ITGA9: variants seen among roughly 807,000 people sequenced by gnomAD.
The protein encoded by ITGA9 is integrin subunit alpha 9, also known as integrin alpha-9.
ITGA9 carries 56 observed loss-of-function variants against 127.8 expected under a neutral mutation model. That is an observed-to-expected ratio of 0.44 (90% confidence interval 0.35 to 0.55). ITGA9 has a LOEUF of 0.55. ITGA9 is among the 20% of genes least tolerant of loss of function. ITGA9 has a pLI of 0.00. For synonymous variants in ITGA9, 508 were observed against 514.5 expected, an observed-to-expected ratio of 0.99 and a Z score of 0.17; for missense variants, 1,196 against 1,347.1, an observed-to-expected ratio of 0.89 and a Z score of 1.76.
intron 23 of ITGA9, among the ~76,000 whole-genome samples, chr3:37,760,271 TA>T (rs35166311): frequency 1.5e-3 from 210 of 141,590 alleles, no homozygotes; most frequent in Admixed American, 1.8e-3. Context: ...TCAATTTAAT[TA>T]AAAAAAAAAA....
chr3:37,665,810 G>A (rs537306897), intron 17 of ITGA9, among the ~76,000 whole-genome samples: 4 of 152,288 alleles, frequency 2.6e-5, no homozygotes, highest in Non-Finnish European at 4.4e-5. Context: ...TCCCAGCCAC[G>A]CATCAAGGAT....
Position 37,461,168 on chromosome 3 carries a change from T to C in ITGA9, c.185+8609T>C, listed in dbSNP as rs377237143. Among the ~76,000 whole-genome samples, 10 of 152,302 alleles carry C rather than the reference T, an allele frequency of 6.6e-5. 1 individual carries two copies. Among genetic ancestry groups the C allele is most frequent in the African/African-American group, 1.9e-4 (8 of 41,582 alleles). On this transcript the variant is annotated intron_variant, in intron 1 of 27. Transcript: ENST00000264741. ...TTCAGCTGAGTAGTGTTCCTGTCTCTACCTTCATTGAATCCCTGGTTCCAC... is the reference window on the plus strand; with the variant it reads ...TTCAGCTGAGTAGTGTTCCTGTCTCCACCTTCATTGAATCCCTGGTTCCAC...
chr3:37,698,306 A>G (rs1228504690), intron 18 of ITGA9, among the ~76,000 whole-genome samples: 3 of 152,152 alleles, frequency 2.0e-5, no homozygotes, highest in Non-Finnish European at 4.4e-5. Context: ...CTCTGATGGT[A>G]GTTTCCTTTG....
intron 18 of ITGA9, among the ~76,000 whole-genome samples, chr3:37,689,026 ATGAGTGGATGGG>A (rs1700806317): frequency 7.7e-6 from 1 of 129,756 alleles, no homozygotes; most frequent in African/African-American, 2.9e-5. Context: ...GGCTGGGTGG[ATGAGTGGATGGG>A]TGAGTGGATG....
chr3:37,551,475 C>T (rs536015978), intron 15 of ITGA9, among the ~76,000 whole-genome samples: 1 of 152,130 alleles, frequency 6.6e-6, no homozygotes, highest in East Asian at 1.9e-4. Flanking sequence ...TGTGAACAAT[C>T]TGGTTTTCTT....
chr3:37,705,141 C>T (rs1293768456), intron 18 of ITGA9, among the ~76,000 whole-genome samples: 1 of 152,196 alleles, frequency 6.6e-6, no homozygotes, highest in East Asian at 1.9e-4. Context: ...GGCATTCACT[C>T]TTTCATTCAG....
intron 15 of ITGA9, among the ~76,000 whole-genome samples, chr3:37,611,632 A>C (rs892182165): frequency 6.6e-6 from 1 of 152,158 alleles, no homozygotes. Flanking sequence ...TTAGCCCCCA[A>C]GCTGAGAAGA....
chr3:37,636,768 C>G (rs903844325), intron 16 of ITGA9, among the ~76,000 whole-genome samples: 10 of 151,964 alleles, frequency 6.6e-5, no homozygotes, highest in Non-Finnish European at 1.0e-4. Context: ...GGTTTTAGGT[C>G]TAACATTTAA....
chr3:37,586,799 G>A (rs147119331), intron 15 of ITGA9, among the ~76,000 whole-genome samples: 10 of 152,318 alleles, frequency 6.6e-5, no homozygotes, highest in African/African-American at 1.7e-4. Flanking sequence ...TGTCTTGCTG[G>A]CAAAGCTGAG....
chr3:37,697,424 T>G (rs904298699), intron 18 of ITGA9, among the ~76,000 whole-genome samples: 17 of 151,840 alleles, frequency 1.1e-4, no homozygotes, highest in African/African-American at 3.9e-4. Context: ...CCATGTTGGT[T>G]TGCTGCACCC....
At chr3:37,547,028 G>A (rs1047211485) in intron 15 of ITGA9, among the ~76,000 whole-genome samples, 11 of 152,200 alleles carry the variant, frequency 7.2e-5, no homozygotes, top group African/African-American at 2.7e-4. Flanking sequence ...TGAGTCTGAT[G>A]CAGGGATGGC....
chr3:37,474,496 A>G (rs1297550575), intron 3 of ITGA9, among the ~76,000 whole-genome samples: 2 of 152,190 alleles, frequency 1.3e-5, no homozygotes, highest in South Asian at 2.1e-4. Flanking sequence ...ATGAGGTATA[A>G]TACTAAAGCA....
intron 17 of ITGA9, among the ~76,000 whole-genome samples, chr3:37,669,478 G>A (rs1281305023): frequency 6.6e-6 from 1 of 152,236 alleles, no homozygotes; most frequent in East Asian, 1.9e-4. Flanking sequence ...TCTGCCACAA[G>A]CTCTGGCTTC....
chr3:37,476,858 G>A (rs1324682822), intron 3 of ITGA9, among the ~76,000 whole-genome samples: 2 of 152,120 alleles, frequency 1.3e-5, no homozygotes, highest in Non-Finnish European at 2.9e-5. Flanking sequence ...TTCATTCTCA[G>A]CATCTGGAGG....
At chr3:37,470,275 C>T (rs1339692140) in intron 1 of ITGA9, among the ~76,000 whole-genome samples, 1 of 151,486 alleles carries the variant, frequency 6.6e-6, no homozygotes, top group Non-Finnish European at 1.5e-5. Context: ...GCATGTTCAG[C>T]TTTATTAGGA....
chr3:37,674,547 T>C (rs188368992), intron 17 of ITGA9, among the ~76,000 whole-genome samples: 1 of 152,186 alleles, frequency 6.6e-6, no homozygotes, highest in Non-Finnish European at 1.5e-5. Flanking sequence ...TTCAGAAATA[T>C]ACACCCCTCA....
rs1491101602 is a variant in ITGA9, at chr3:37,789,603, ACC to A, written c.2889+4526_2889+4527del. Among the ~76,000 whole-genome samples the A allele has an allele frequency of 3.1e-3, 342 of 108,844 alleles. 1 individual carries two copies. Among genetic ancestry groups the A allele is most frequent in the Non-Finnish European group, 4.9e-3 (246 of 49,708 alleles). The allele number at this position is 108,844 out of a possible 152,430, so 71.4% of individuals were successfully genotyped here. On this transcript the variant is annotated intron_variant, in intron 26 of 27. Coordinates refer to ENST00000264741, the MANE Select transcript of ITGA9 (RefSeq NM_002207.3). ...TGTAACCCTGTCTCTACTAAAAAATACCAAAAAAAAAAAAAATGAGCTGGGTG... is the reference window on the plus strand; with the variant it reads ...TGTAACCCTGTCTCTACTAAAAAATAAAAAAAAAAAAAAATGAGCTGGGTG...
At chr3:37,615,699 G>A (rs1017319031) in intron 15 of ITGA9, among the ~76,000 whole-genome samples, 1 of 152,210 alleles carries the variant, frequency 6.6e-6, no homozygotes, top group African/African-American at 2.4e-5. Context: ...TCTTGGGAGG[G>A]TGTATGTGTC....
At chr3:37,791,502 C>A (rs1183014392) in intron 26 of ITGA9, among the ~76,000 whole-genome samples, 1 of 152,182 alleles carries the variant, frequency 6.6e-6, no homozygotes, top group African/African-American at 2.4e-5. Flanking sequence ...GATCTGGAAA[C>A]CTGAGGGCTA....
Sources: gnomAD v4.1 joint callset for allele counts (sites outside exome capture counted in the v4.1 genomes callset) on GRCh38, gnomAD v4.1.1 for gene constraint, MANE v1.5 for transcripts, NCBI Gene and HGNC (gene_info 2026-07-23, HGNC 2026-07-21) for gene names.